The following RGS7 variants were observed in gnomAD, a reference collection of about 807,000 sequenced individuals.
The protein encoded by RGS7 is regulator of G protein signaling 7, also known as regulator of G-protein signaling 7.
RGS7 carries 27 observed loss-of-function variants against 81.1 expected under a neutral mutation model. That is an observed-to-expected ratio of 0.33 (90% CI 0.25 to 0.46). The LOEUF (loss-of-function observed/expected upper bound fraction) is 0.46. Ranked by LOEUF, RGS7 falls within the 20% of genes least tolerant of loss-of-function variation. The pLI is 1.00. For synonymous variants in RGS7, 208 were observed against 207.7 expected, an observed-to-expected ratio of 1.00 and a Z score of -0.01; for missense variants, 396 against 607.4, an observed-to-expected ratio of 0.65 and a Z score of 3.66.
At chr1:241,043,454 T>C (rs1572415646) in intron 3 of RGS7, among the ~76,000 whole-genome samples, 1 of 150,498 alleles carries the variant, frequency 6.6e-6, no homozygotes, top group African/African-American at 2.4e-5. Flanking sequence ...TCTTATTTTT[T>C]CCCCAATATT....
intron 2 of RGS7, among the ~76,000 whole-genome samples, chr1:241,121,710 C>CTTTTTTTTTTTTTTT (rs10681773): frequency 1.5e-5 from 1 of 66,404 alleles, no homozygotes; most frequent in Non-Finnish European, 2.7e-5. Context: ...TGCAATTGTT[C>CTTTTTTTTTTTTTTT]TTTTTTTTTT....
At chr1:241,153,873 C>G (rs891367975) in intron 2 of RGS7, among the ~76,000 whole-genome samples, 1 of 152,130 alleles carries the variant, frequency 6.6e-6, no homozygotes, top group African/African-American at 2.4e-5. Flanking sequence ...GGGGTTTGAA[C>G]GTGAGGAGGA....
chr1:241,195,410 A>G (rs1364264020), intron 2 of RGS7, among the ~76,000 whole-genome samples: 1 of 152,154 alleles, frequency 6.6e-6, no homozygotes, highest in African/African-American at 2.4e-5. Flanking sequence ...CGGGAGGCAG[A>G]GGGTGCAGTG....
At chr1:240,982,980 G>T in intron 4 of RGS7, 99 bp downstream of exon 4, 1 of 678,542 alleles carries the variant, frequency 1.5e-6, no homozygotes. Flanking sequence ...AATTTTTCAG[G>T]AGGTTTGCTT....
intron 15 of RGS7, among the ~76,000 whole-genome samples, chr1:240,805,227 A>T (rs1688656777): frequency 6.6e-6 from 1 of 151,086 alleles, no homozygotes. Context: ...AAAAAAAATA[A>T]AAAAAAATTA....
intron 3 of RGS7, among the ~76,000 whole-genome samples, chr1:240,994,061 C>T (rs184250715): frequency 2.0e-5 from 3 of 152,294 alleles, no homozygotes; most frequent in Admixed American, 2.0e-4. Flanking sequence ...CAACACCACA[C>T]AGTTCTGTTT....
intron 6 of RGS7, chr1:240,919,786 T>C: frequency 1.4e-6 from 1 of 714,850 alleles, no homozygotes; most frequent in Admixed American, 1.9e-5. Context: ...TGTGTGGTAA[T>C]GAGAGATTCA....
At chr1:241,202,675 C>T (rs1233454252) in intron 2 of RGS7, among the ~76,000 whole-genome samples, 2 of 152,190 alleles carry the variant, frequency 1.3e-5, no homozygotes, top group Admixed American at 1.3e-4. Context: ...ATGAGGCAGG[C>T]CCCTCTCTGG....
At chr1:240,789,727 G>GAT (rs1685667303) in intron 18 of RGS7, among the ~76,000 whole-genome samples, 1 of 152,140 alleles carries the variant, frequency 6.6e-6, no homozygotes, top group African/African-American at 2.4e-5. Flanking sequence ...TTCCTGATAA[G>GAT]ATGTTATCAG....
At chr1:241,068,214 T>C (rs1357543620) in intron 3 of RGS7, among the ~76,000 whole-genome samples, 1 of 42,148 alleles carries the variant, frequency 2.4e-5, no homozygotes, top group Non-Finnish European at 4.9e-5. Flanking sequence ...TTTTGGGTTC[T>C]ATCCATAAAT....
chr1:240,864,939 T>C (rs531503706), intron 9 of RGS7, among the ~76,000 whole-genome samples: 5 of 152,176 alleles, frequency 3.3e-5, no homozygotes, highest in African/African-American at 1.2e-4. Flanking sequence ...ATTTGCATTA[T>C]CTGTTTCCAT....
At chr1:241,190,712 T>G (rs1390112675) in intron 2 of RGS7, among the ~76,000 whole-genome samples, 1 of 152,178 alleles carries the variant, frequency 6.6e-6, no homozygotes, top group Non-Finnish European at 1.5e-5. Flanking sequence ...CTGTGGATGT[T>G]TTTGTAGATT....
At chr1:241,335,625 T>A (rs2082201756) in intron 2 of RGS7, among the ~76,000 whole-genome samples, 1 of 152,104 alleles carries the variant, frequency 6.6e-6, no homozygotes, top group African/African-American at 2.4e-5. Flanking sequence ...ATGTGTTAGG[T>A]CCTATTGGAA....
In RGS7 at chr1:240,920,528, C is replaced by A. The variant is rs150725120; in HGVS notation, c.385+10189G>T. 1.7e-4 allele frequency: 145 copies of A among 845,960 alleles called. 1 individual carries two copies. In the African/African-American group the frequency reaches 1.9e-3, roughly 11 times the overall value. The allele number at this position is 845,960 out of a possible 1,614,324, so 52.4% of individuals were successfully genotyped here. A position where few individuals can be genotyped will look rare whatever the true frequency, so the allele number is the denominator to read the frequency against. On this transcript the variant is annotated intron_variant, in intron 6 of 18. Coordinates refer to ENST00000440928, the MANE Select transcript of RGS7 (RefSeq NM_001364886.1). ...GCTCTGGCCTCTATGGTGATGGAGG[C>A]CAATACTTTGTCAAACCATGAAACT...
intron 4 of RGS7, among the ~76,000 whole-genome samples, chr1:240,950,946 G>C (rs1679454010): frequency 6.6e-6 from 1 of 151,060 alleles, no homozygotes; most frequent in African/African-American, 2.4e-5. Context: ...TTTTGAGATG[G>C]GAGTTTCACT....
intron 2 of RGS7, among the ~76,000 whole-genome samples, chr1:241,256,961 ACG>A (rs1553301474): frequency 7.4e-6 from 1 of 135,374 alleles, no homozygotes; most frequent in East Asian, 2.3e-4. Flanking sequence ...ACACACACAC[ACG>A]TGTGTGTATC....
chr1:241,006,543 G>A (rs1457475764), intron 3 of RGS7, among the ~76,000 whole-genome samples: 2 of 152,276 alleles, frequency 1.3e-5, no homozygotes, highest in South Asian at 2.1e-4. Context: ...TTCTGTAAAG[G>A]AAAACTAGAG....
intron 2 of RGS7, among the ~76,000 whole-genome samples, chr1:241,238,968 T>C (rs77497948): frequency 0.03 from 486 of 16,176 alleles, 1 homozygote; most frequent in African/African-American, 0.04. Flanking sequence ...CTCTCTCTCT[T>C]TTTTTTTTTT....
intron 6 of RGS7, among the ~76,000 whole-genome samples, chr1:240,887,754 A>T (rs1399539244): frequency 6.6e-6 from 1 of 152,184 alleles, no homozygotes; most frequent in Non-Finnish European, 1.5e-5. Context: ...TAAAACATGT[A>T]ACTAGTTTTA....
Sources: allele counts gnomAD v4.1 joint callset (sites outside exome capture counted in the v4.1 genomes callset), GRCh38; gene constraint gnomAD v4.1.1; transcripts MANE v1.5; gene names NCBI Gene and HGNC (gene_info 2026-07-23, HGNC 2026-07-21).